Variants in GRID2 observed in about 807,000 individuals in gnomAD.
GRID2 encodes the protein glutamate ionotropic receptor delta type subunit 2, also known as glutamate receptor ionotropic, delta-2.
A neutral mutation model predicts 114.8 loss-of-function variants in GRID2; 33 were observed. That is an observed-to-expected ratio of 0.29 (90% CI 0.22 to 0.38). The LOEUF (loss-of-function observed/expected upper bound fraction) is 0.38. GRID2 is among the 10% of genes least tolerant of loss of function. The pLI, the probability that GRID2 is intolerant of heterozygous loss-of-function variation, is 1.00. For synonymous variants in GRID2, 505 were observed against 449.9 expected, an observed-to-expected ratio of 1.12 and a Z score of -1.55; for missense variants, 1,184 against 1,257.7, an observed-to-expected ratio of 0.94 and a Z score of 0.89.
chr4:93,282,510 C>T (rs1310306422), intron 8 of GRID2: 1 of 266,768 alleles, frequency 3.7e-6, no homozygotes, highest in Non-Finnish European at 7.5e-6. Flanking sequence ...CAAACTCATC[C>T]TTTTATCAGG....
chr4:92,783,438 T>C (rs993745700), intron 2 of GRID2, among the ~76,000 whole-genome samples: 26 of 152,132 alleles, frequency 1.7e-4, no homozygotes, highest in South Asian at 2.1e-4. Flanking sequence ...AATGACGTAA[T>C]AGAGGTCATT....
At chr4:92,554,108 GA>G (rs1726734033) in intron 1 of GRID2, among the ~76,000 whole-genome samples, 1 of 152,140 alleles carries the variant, frequency 6.6e-6, no homozygotes, top group Non-Finnish European at 1.5e-5. Flanking sequence ...AAAGGGAGCA[GA>G]AAAGCAAGGT....
At chr4:92,849,710 G>A (rs932053198) in intron 2 of GRID2, among the ~76,000 whole-genome samples, 1 of 151,528 alleles carries the variant, frequency 6.6e-6, no homozygotes, top group Admixed American at 6.6e-5. Context: ...ATATTACCAA[G>A]ACATTATAAT....
chr4:93,299,714 T>TA (rs1274996471), intron 8 of GRID2, among the ~76,000 whole-genome samples: 4 of 151,818 alleles, frequency 2.6e-5, no homozygotes, highest in Non-Finnish European at 5.9e-5. Flanking sequence ...AATATATATA[T>TA]AAAAAAAGGA....
intron 1 of GRID2, among the ~76,000 whole-genome samples, chr4:92,558,700 G>A (rs1324978979): frequency 6.6e-6 from 1 of 152,122 alleles, no homozygotes. Context: ...TTTTATGACA[G>A]TTAGGGTTAT....
chr4:93,775,474 A>AT (rs1372610112), downstream of GRID2, among the ~76,000 whole-genome samples: 2 of 152,206 alleles, frequency 1.3e-5, no homozygotes, highest in Admixed American at 6.5e-5. Context: ...CACATAGATC[A>AT]TCTGATTCCA....
chr4:92,587,105 T>G (rs62310134), intron 1 of GRID2, among the ~76,000 whole-genome samples: 1,402 of 126,272 alleles, frequency 0.011, 9 homozygotes, highest in Middle Eastern at 0.021. Context: ...ATGCTGTGTG[T>G]GTGTGTGTGT....
At chr4:92,902,834 T>C (rs1383121484) in intron 2 of GRID2, among the ~76,000 whole-genome samples, 1 of 151,982 alleles carries the variant, frequency 6.6e-6, no homozygotes, top group Non-Finnish European at 1.5e-5. Context: ...TTCTCTGTTC[T>C]AGTGATCTAT....
At chr4:93,718,185 A>G (rs1393382079) in intron 14 of GRID2, among the ~76,000 whole-genome samples, 1 of 152,216 alleles carries the variant, frequency 6.6e-6, no homozygotes, top group Non-Finnish European at 1.5e-5. Flanking sequence ...AAAATAAGAT[A>G]CATATGGATG....
chr4:92,375,023 A>G (rs1729289143), intron 1 of GRID2, among the ~76,000 whole-genome samples: 1 of 152,116 alleles, frequency 6.6e-6, no homozygotes, highest in African/African-American at 2.4e-5. Flanking sequence ...GAGTACTGCA[A>G]TCTTTGACCC....
At position 92,643,765 on chromosome 4, in the gene GRID2, T is replaced by TA. The variant is rs560270129; in HGVS notation, c.244+53488dup. 5.0e-4 allele frequency among the ~76,000 whole-genome samples: 75 copies of TA among 151,066 alleles called. 2 individuals are homozygous for TA. The South Asian group carries it at 8.0e-3, about 16-fold the overall frequency. ...ATGGGCCTCTGCACCTGGCCAAATT[T>TA]AAAAAAAAATTGATTGTTTAACTGT... On this transcript the variant is annotated intron_variant, in intron 2 of 15. Coordinates refer to ENST00000282020, the MANE Select transcript of GRID2 (RefSeq NM_001510.4).
intron 1 of GRID2, among the ~76,000 whole-genome samples, chr4:93,792,883 T>C (rs1011996389): frequency 6.6e-6 from 1 of 152,044 alleles, no homozygotes; most frequent in African/African-American, 2.4e-5. Context: ...CAGCTGGAGG[T>C]CCCACCTATT....
At chr4:93,017,445 A>G (rs924934116) in intron 2 of GRID2, among the ~76,000 whole-genome samples, 9 of 152,180 alleles carry the variant, frequency 5.9e-5, no homozygotes, top group Admixed American at 1.3e-4. Flanking sequence ...TTTCAAAAAA[A>G]TTTTGTAGAA....
intron 9 of GRID2, among the ~76,000 whole-genome samples, chr4:93,400,880 A>G (rs1765817138): frequency 6.6e-6 from 1 of 152,090 alleles, no homozygotes; most frequent in South Asian, 2.1e-4. Context: ...TCCTTCACCC[A>G]GGCTGGAGTA....
chr4:92,718,723 A>G (rs768310404), intron 2 of GRID2, among the ~76,000 whole-genome samples: 2 of 136,856 alleles, frequency 1.5e-5, no homozygotes, highest in South Asian at 5.0e-4. Flanking sequence ...TGATAGCACC[A>G]CTGCCCTTCA....
intron 13 of GRID2, among the ~76,000 whole-genome samples, chr4:93,573,190 C>T (rs1736091877): frequency 6.6e-6 from 1 of 152,174 alleles, no homozygotes; most frequent in South Asian, 2.1e-4. Context: ...TCTTTGCTAC[C>T]TGTCAGACTT....
At chr4:93,635,175 A>G (rs1199665687) in intron 14 of GRID2, among the ~76,000 whole-genome samples, 1 of 151,360 alleles carries the variant, frequency 6.6e-6, no homozygotes, top group African/African-American at 2.4e-5. Context: ...TTTTTAATTT[A>G]TATATATGTT....
At chr4:93,295,510 G>A (rs1401271805) in intron 8 of GRID2, among the ~76,000 whole-genome samples, 1 of 152,164 alleles carries the variant, frequency 6.6e-6, no homozygotes, top group East Asian at 1.9e-4. Flanking sequence ...TGCAGGGCAG[G>A]CTGTCAAGAA....
At chr4:93,407,753 C>G (rs1292668271) in intron 9 of GRID2, among the ~76,000 whole-genome samples, 2 of 110,156 alleles carry the variant, frequency 1.8e-5, no homozygotes, top group Non-Finnish European at 1.8e-5. Context: ...TCCTCCTCCT[C>G]CTCGTCCTCC....
Sources: allele counts gnomAD v4.1 joint callset (sites outside exome capture counted in the v4.1 genomes callset), GRCh38; gene constraint gnomAD v4.1.1; transcripts MANE v1.5; gene names NCBI Gene and HGNC (gene_info 2026-07-23, HGNC 2026-07-21).